The following FAT3 variants were observed in gnomAD, a reference collection of about 807,000 sequenced individuals.
The protein encoded by FAT3 is FAT atypical cadherin 3, also known as protocadherin Fat 3.
In FAT3, 95 loss-of-function variants were observed where a neutral mutation model predicts 310.2. The observed-to-expected ratio is 0.31, with a 90% CI of 0.26 to 0.36. FAT3 has a LOEUF of 0.36. Ranked by LOEUF, FAT3 falls within the 10% of genes least tolerant of loss-of-function variation. The pLI is 1.00. For missense variants in FAT3, 5,408 were observed against 5,715.6 expected (o/e 0.95, Z 1.74); for synonymous variants, 2,314 against 2,192.9 (o/e 1.06, Z -1.54).
At chr11:92,421,699 G>T (rs1056183661) in intron 2 of FAT3, among the ~76,000 whole-genome samples, 1 of 152,280 alleles carries the variant, frequency 6.6e-6, no homozygotes, top group Non-Finnish European at 1.5e-5. Context: ...AAACATTGAA[G>T]ATTTGTTTCC....
In FAT3 at chr11:92,234,174, C is replaced by T. The variant is rs368468868; in HGVS notation, c.-18+9000C>T. On this transcript the variant is annotated intron_variant, in intron 1 of 27. Transcript: ENST00000525166. ...AGGGAAAATACACTCTTTATTTAAA[C>T]AGATGTGGCAAATTATTTTTATAAA... Among the ~76,000 whole-genome samples, 5 of 152,308 alleles carry T rather than the reference C, an allele frequency of 3.3e-5. 1 individual carries two copies. The highest frequency in any genetic ancestry group is 1.2e-4 in the African/African-American group (5 of 41,586).
chr11:92,746,987 A>T (rs1203885327), intron 4 of FAT3, among the ~76,000 whole-genome samples: 1 of 152,136 alleles, frequency 6.6e-6, no homozygotes, highest in African/African-American at 2.4e-5. Context: ...TTGTGTCTGC[A>T]GCTTTTCCAG....
chr11:92,585,025 C>A (rs971637126), intron 3 of FAT3, among the ~76,000 whole-genome samples: 7 of 150,986 alleles, frequency 4.6e-5, no homozygotes, highest in Non-Finnish European at 1.0e-4. Flanking sequence ...ATGCTAACTG[C>A]TAAAAAAAAA....
At chr11:92,551,607 T>C (rs1161042786) in intron 3 of FAT3, among the ~76,000 whole-genome samples, 1 of 152,162 alleles carries the variant, frequency 6.6e-6, no homozygotes, top group Non-Finnish European at 1.5e-5. Flanking sequence ...CTGTATTATC[T>C]TAAAACATTC....
At chr11:92,487,774 CT>C (rs917616470) in intron 2 of FAT3, among the ~76,000 whole-genome samples, 2 of 152,188 alleles carry the variant, frequency 1.3e-5, no homozygotes, top group African/African-American at 4.8e-5. Flanking sequence ...GCTCCCAGTT[CT>C]TATGACCCTA....
At chr11:92,512,022 G>T (rs187135429) in intron 2 of FAT3, among the ~76,000 whole-genome samples, 2 of 152,196 alleles carry the variant, frequency 1.3e-5, no homozygotes, top group Admixed American at 6.5e-5. Flanking sequence ...GGATAGATCA[G>T]CAGCATACCT....
At chr11:92,618,378 T>A (rs373188816) in intron 3 of FAT3, among the ~76,000 whole-genome samples, 2 of 152,144 alleles carry the variant, frequency 1.3e-5, no homozygotes, top group African/African-American at 4.8e-5. Context: ...ATACCATCTG[T>A]CATGGCTTTC....
intron 4 of FAT3, among the ~76,000 whole-genome samples, chr11:92,719,816 T>A (rs1186900902): frequency 6.6e-6 from 1 of 151,726 alleles, no homozygotes; most frequent in East Asian, 1.9e-4. Context: ...TAAGTAGATA[T>A]GGTATTAATA....
At position 92,354,985 on chromosome 11, in the gene FAT3, T is replaced by C. The variant is rs76869520; in HGVS notation, c.2873T>C (p.Leu958Pro). Reference protein sequence around the residue: ...DLPVGTVIAWLETHDPDLGLG... With the variant: ...DLPVGTVIAWPETHDPDLGLG... Reference sequence around the variant, plus strand: ...CCTGTTGGCACTGTCATTGCTTGGCTTGAGACCCATGATCCAGATCTTGGA... The same window carrying C: ...CCTGTTGGCACTGTCATTGCTTGGCCTGAGACCCATGATCCAGATCTTGGA... The change falls in exon 2 of 28, where the codon CTT becomes CCT. Residue 958 changes from leucine (L) to proline (P), a missense_variant. Physicochemically the swap from Leu to Pro is moderately conservative, Grantham distance 98. This residue lies in a region of FAT3 where 4,588 missense variants were observed against 4,809.8 expected (regional missense o/e 0.95). Coordinates refer to ENST00000525166, the MANE Select transcript of FAT3 (RefSeq NM_001367949.2). 1.0e-3 allele frequency: 1,639 copies of C among 1,613,860 alleles called. 1 individual carries two copies. Among genetic ancestry groups the C allele is most frequent in the Non-Finnish European group, 1.3e-3 (1,503 of 1,179,864 alleles).
rs368806358 is a variant in FAT3 at position 92,354,548 on chromosome 11, G to A, written c.2436G>A (p.Ser812=). 75 of 1,613,808 alleles carry A rather than the reference G, an allele frequency of 4.6e-5. 1 individual carries two copies. The African/African-American group carries it at 5.6e-4, about 12-fold the overall frequency. ...TIYDLGNPQK[S]SWRLLTINVE... is the part of the protein sequence containing the mutation. ...ATGACTTAGGTAATCCACAGAAATC[G>A]TCATGGAGACTGCTGACCATCAATG... Residue 812 remains serine, a synonymous_variant, in exon 2 of 28, where the codon TCG becomes TCA. Transcript: ENST00000525166.
rs769217895 is a variant in FAT3 at position 92,882,832 on chromosome 11, C to T, written c.12376C>T (p.Pro4126Ser). 6.2e-7 allele frequency: 1 copy of T among 1,611,820 alleles called. No homozygotes were observed. Among genetic ancestry groups the T allele is most frequent in the South Asian group, 1.1e-5 (1 of 90,254 alleles). The change falls in exon 24 of 28, where the codon CCG becomes TCG. Residue 4126 changes from proline (P) to serine (S), a missense_variant. Pro to Ser is a moderately conservative substitution (Grantham distance 74). Transcript: ENST00000525166. ...CGGCTCCTTCCTCTGCAACTGCACGCCGGGCTACGTGGGCCAGTACTGCGG... is the reference window on the plus strand; with the variant it reads ...CGGCTCCTTCCTCTGCAACTGCACGTCGGGCTACGTGGGCCAGTACTGCGG... The part of the protein sequence containing the change: ...VFGSFLCNCT[P>S]GYVGQYCGLR...
chr11:92,422,443 G>A (rs922474801), intron 2 of FAT3, among the ~76,000 whole-genome samples: 2 of 152,146 alleles, frequency 1.3e-5, no homozygotes, highest in Non-Finnish European at 2.9e-5. Flanking sequence ...TCTAGGTTGA[G>A]CCAAACTCCA....
intron 2 of FAT3, among the ~76,000 whole-genome samples, chr11:92,425,116 TGG>T (rs1039079895): frequency 1.2e-4 from 18 of 152,210 alleles, no homozygotes; most frequent in Non-Finnish European, 2.5e-4. Context: ...TTGGAATCTT[TGG>T]GTTTTTTTCC....
At chr11:92,711,938 C>A (rs1197921758) in intron 4 of FAT3, among the ~76,000 whole-genome samples, 1 of 152,136 alleles carries the variant, frequency 6.6e-6, no homozygotes, top group African/African-American at 2.4e-5. Context: ...CCCACAGAAT[C>A]ATAAAATTTC....
chr11:92,549,692 A>G (rs1954736065), intron 3 of FAT3, among the ~76,000 whole-genome samples: 1 of 152,210 alleles, frequency 6.6e-6, no homozygotes, highest in South Asian at 2.1e-4. Flanking sequence ...ATGTGGCATT[A>G]TATAATCACT....
intron 1 of FAT3, among the ~76,000 whole-genome samples, chr11:92,231,570 A>C (rs1864181695): frequency 6.6e-6 from 1 of 152,182 alleles, no homozygotes; most frequent in Non-Finnish European, 1.5e-5. Context: ...ACTTCAACTA[A>C]ATTAAATTCC....
intron 9 of FAT3, among the ~76,000 whole-genome samples, chr11:92,793,360 C>G (rs1017403074): frequency 3.3e-5 from 5 of 152,114 alleles, no homozygotes; most frequent in African/African-American, 1.2e-4. Flanking sequence ...TGAATTGAAT[C>G]TTAACAAGTC....
In FAT3 at chr11:92,800,852, T is replaced by C; in HGVS notation, c.7839T>C (p.Val2613=). Residue 2613 remains valine (V), a synonymous_variant, in exon 10 of 28, where the codon GTT becomes GTC. Transcript: ENST00000525166. ...VEYRASVRAD[V]GRGHLVTQVQ... is the part of the protein sequence containing the mutation. The stretch of plus-strand genomic sequence containing the variant: ...ATAGAGCCAGTGTCAGGGCAGATGT[T>C]GGAAGGGGCCACTTGGTCACTCAAG... 1 of 1,613,602 alleles carries C rather than the reference T, an allele frequency of 6.2e-7. No homozygotes were observed. The highest frequency in any genetic ancestry group is 8.5e-7 in the Non-Finnish European group (1 of 1,179,772).
At chr11:92,806,778 T>C (rs77067823) in intron 12 of FAT3, among the ~76,000 whole-genome samples, 2,424 of 152,186 alleles carry the variant, frequency 0.016, 76 homozygotes, top group African/African-American at 0.055. Context: ...AAAAGCCAGA[T>C]GGTTAAGGCT....
Sources: gnomAD v4.1 joint callset for allele counts (sites outside exome capture counted in the v4.1 genomes callset) on GRCh38, gnomAD v4.1.1 for gene constraint, gnomAD v4.1.1 regional missense constraint, MANE v1.5 for transcripts, NCBI Gene and HGNC (gene_info 2026-07-23, HGNC 2026-07-21) for gene names.